The following POLR2F variants were observed in gnomAD, a reference collection of about 807,000 sequenced individuals.
The protein encoded by POLR2F is DNA-directed RNA polymerases I, II, and III subunit RPABC2.
Under a neutral mutation model 22.7 loss-of-function variants are expected in POLR2F, and 12 were observed. The observed-to-expected ratio is 0.53, with a 90% CI of 0.34 to 0.86. POLR2F has a LOEUF of 0.86. Ranked by LOEUF, POLR2F falls within the 40% of genes least tolerant of loss-of-function variation. POLR2F has a pLI of 0.02. For missense variants in POLR2F, 126 were observed against 171.5 expected, an observed-to-expected ratio of 0.73 and a Z score of 1.48; for synonymous variants, 57 against 66.0, an observed-to-expected ratio of 0.86 and a Z score of 0.66.
At chr22:37,983,402 T>C, upstream of POLR2F, 1 of 1,610,504 alleles carries the variant, frequency 6.2e-7, no homozygotes, top group Non-Finnish European at 8.5e-7. This position sits in a 1 kb window ranked among gnomAD's most constrained non-coding sequence, Gnocchi z 9.5. Context: ...GTTGTGCAGG[T>C]GCGGGTACTG....
intron 1 of POLR2F, among the ~76,000 whole-genome samples, chr22:37,954,510 C>T (rs1284837052): frequency 6.6e-6 from 1 of 152,110 alleles, no homozygotes; most frequent in Non-Finnish European, 1.5e-5. Context: ...ACCATGTTGG[C>T]CAGACTGGCC....
upstream of POLR2F, among the ~76,000 whole-genome samples, chr22:37,984,889 G>A (rs1226679363): frequency 6.6e-6 from 1 of 152,164 alleles, no homozygotes; most frequent in African/African-American, 2.4e-5. The surrounding 1 kb of genome is among the most constrained non-coding windows in gnomAD (Gnocchi z 4.4). Flanking sequence ...GGCAGGATGG[G>A]CACTTGGCAG....
At chr22:37,977,598 G>C (rs112010135) in intron 4 of POLR2F, among the ~76,000 whole-genome samples, 1 of 152,056 alleles carries the variant, frequency 6.6e-6, no homozygotes, top group African/African-American at 2.4e-5. Flanking sequence ...GGGATTACAG[G>C]TGTGAGCCAC....
downstream of POLR2F, chr22:37,973,462 G>T: frequency 2.2e-6 from 3 of 1,389,758 alleles, no homozygotes; most frequent in Non-Finnish European, 3.0e-6. Flanking sequence ...GGGGGCAGGG[G>T]CTGGGCGGGG....
downstream of POLR2F, chr22:37,974,145 A>G: frequency 1.9e-6 from 3 of 1,610,258 alleles, no homozygotes; most frequent in Non-Finnish European, 2.5e-6. This position sits in a 1 kb window ranked among gnomAD's most constrained non-coding sequence, Gnocchi z 5.4. Context: ...GCCTTGCCCG[A>G]CTGCAGCTCT....
At position 38,016,839 on chromosome 22, in the gene POLR2F, A is replaced by C. The variant is rs900496620; in HGVS notation, c.121-9030A>C. ...ATAGAGAGAGAGAGAGAAGGAAAAA[A>C]AAAAAGATACAAGCTGGGGAGGGAA... On this transcript the variant is annotated intron_variant, in intron 1 of 2. Transcript: ENST00000333418. This position sits in a 1 kb window ranked among gnomAD's most constrained non-coding sequence, Gnocchi z 4.4. Among the ~76,000 whole-genome samples, 2 of 151,814 alleles carry C rather than the reference A, an allele frequency of 1.3e-5. No individual in the cohort carries two copies. The highest frequency in any genetic ancestry group is 4.8e-5 in the African/African-American group (2 of 41,372).
intron 1 of POLR2F, chr22:37,987,590 G>A: frequency 3.0e-6 from 1 of 336,926 alleles, no homozygotes; most frequent in Non-Finnish European, 5.9e-6. Flanking sequence ...AAATCTGCTG[G>A]CTGCAGAACC....
At position 38,018,945 on chromosome 22, in the gene POLR2F, G is replaced by C. The variant is rs73886234; in HGVS notation, c.121-6924G>C. Reference sequence around the variant, plus strand: ...GCACATGAAATCCCCCCGTCTCCAGGGAGAACCAGGCCATTGGCCTCAGGA... The same window carrying C: ...GCACATGAAATCCCCCCGTCTCCAGCGAGAACCAGGCCATTGGCCTCAGGA... On this transcript the variant is annotated intron_variant, in intron 1 of 2. Transcript: ENST00000333418. Among the ~76,000 whole-genome samples, 1,465 of 152,310 alleles carry C rather than the reference G, an allele frequency of 9.6e-3. 27 individuals are homozygous for C. The highest frequency in any genetic ancestry group is 0.034 in the African/African-American group (1,419 of 41,550).
chr22:37,968,433 A>C lies in POLR2F; in HGVS notation c.*718A>C, dbSNP rs1471076832. ...CCATGCCTTCTTCCTAGCCTCTATAAGATATCCTTTCCCTCCTATTTGGGG... is the reference window on the plus strand; with the variant it reads ...CCATGCCTTCTTCCTAGCCTCTATACGATATCCTTTCCCTCCTATTTGGGG... On this transcript the variant is annotated 3_prime_UTR_variant, in exon 5 of 5. Coordinates refer to ENST00000442738, the MANE Select transcript of POLR2F (RefSeq NM_021974.5). 1 of 985,698 alleles carries C rather than the reference A, an allele frequency of 1.0e-6. No individual in the cohort carries two copies. The highest frequency in any genetic ancestry group is 1.2e-6 in the Non-Finnish European group (1 of 830,164). The allele number at this position is 985,698 out of a possible 1,614,324, so 61.1% of individuals were successfully genotyped here.
intron 1 of POLR2F, among the ~76,000 whole-genome samples, chr22:38,008,107 G>T (rs1397768713): frequency 3.3e-5 from 5 of 152,154 alleles, no homozygotes; most frequent in Admixed American, 6.5e-5. Context: ...GGGCGTGGTG[G>T]CACCTGCCTC....
At chr22:38,005,794 C>T (rs1213373107) in intron 1 of POLR2F, among the ~76,000 whole-genome samples, 1 of 152,246 alleles carries the variant, frequency 6.6e-6, no homozygotes, top group African/African-American at 2.4e-5. Flanking sequence ...GAGATGAGTA[C>T]AGAACTTAGA....
At chr22:38,028,078 C>T (rs1483494451), downstream of POLR2F, among the ~76,000 whole-genome samples, 3 of 152,170 alleles carry the variant, frequency 2.0e-5, no homozygotes, top group Admixed American at 2.0e-4. Flanking sequence ...AAAGTCCCTG[C>T]TCCCTGGAGC....
chr22:37,994,159 G>C (rs1428891701), intron 1 of POLR2F, among the ~76,000 whole-genome samples: 1 of 152,106 alleles, frequency 6.6e-6, no homozygotes, highest in African/African-American at 2.4e-5. Context: ...CCCTTTCTAG[G>C]GTGCAGAGTT....
intron 1 of POLR2F, among the ~76,000 whole-genome samples, chr22:38,008,791 G>A (rs544204053): frequency 6.6e-6 from 1 of 151,548 alleles, no homozygotes; most frequent in East Asian, 1.9e-4. Context: ...CCAGGAGGCA[G>A]AGGTTGCAGT....
chr22:37,973,786 G>A (rs1432172429), downstream of POLR2F: 11 of 1,593,052 alleles, frequency 6.9e-6, no homozygotes, highest in East Asian at 4.5e-5. Flanking sequence ...ATGGCTGGTC[G>A]GTGTAGTGTG....
intron 1 of POLR2F, among the ~76,000 whole-genome samples, chr22:38,019,369 C>T (rs573065139): frequency 6.6e-5 from 10 of 152,222 alleles, no homozygotes; most frequent in East Asian, 1.9e-4. Context: ...GCTGAGAGCC[C>T]GTGACTACTG....
chr22:37,990,330 G>A (rs187967329), intron 1 of POLR2F, among the ~76,000 whole-genome samples: 46 of 152,324 alleles, frequency 3.0e-4, no homozygotes, highest in Non-Finnish European at 2.5e-4. Context: ...ATCTTCCTTC[G>A]CTCCCAACTC....
chr22:38,032,255 C>G (rs1217858040), intron 5 of POLR2F: 1 of 152,232 alleles, frequency 6.6e-6, no homozygotes, highest in East Asian at 1.9e-4. Flanking sequence ...ACCTTGGCCT[C>G]CCAAAGTGCC....
intron 1 of POLR2F, among the ~76,000 whole-genome samples, chr22:38,005,666 A>G (rs1356063620): frequency 6.6e-6 from 1 of 152,236 alleles, no homozygotes; most frequent in Non-Finnish European, 1.5e-5. Context: ...CAGGCAAAAT[A>G]GGAATGGAGG....
Sources: allele counts gnomAD v4.1 joint callset (sites outside exome capture counted in the v4.1 genomes callset), GRCh38; gene constraint gnomAD v4.1.1; non-coding constraint Gnocchi (gnomAD v3.1); transcripts MANE v1.5; gene names NCBI Gene and HGNC (gene_info 2026-07-23, HGNC 2026-07-21).